Variants in SEMA5A observed in about 807,000 individuals in gnomAD.
SEMA5A encodes semaphorin-5A.
A neutral mutation model predicts 135.5 loss-of-function variants in SEMA5A; 55 were observed. The observed-to-expected ratio is 0.41, with a 90% CI of 0.33 to 0.51. SEMA5A has a LOEUF of 0.51. Ranked by LOEUF, SEMA5A falls within the 20% of genes least tolerant of loss-of-function variation. The pLI is 0.37. For synonymous variants in SEMA5A, 580 were observed against 546.5 expected (o/e 1.06, Z -0.85); for missense variants, 1,290 against 1,419.9 (o/e 0.91, Z 1.47).
intron 8 of SEMA5A, among the ~76,000 whole-genome samples, chr5:9,210,769 C>T (rs1480978855): frequency 6.6e-6 from 1 of 152,108 alleles, no homozygotes; most frequent in Non-Finnish European, 1.5e-5. Context: ...AAGGATAATG[C>T]AATCTCCCTT....
rs1285127520 is a variant in SEMA5A at position 9,154,598 on chromosome 5, C to T, written c.1371G>A (p.Glu457=). The stretch of plus-strand genomic sequence containing the variant: ...GCAGGATCTGCAGGCTCCTGATGGG[C>T]TCCCTCCGCCTCTCAGGGAAGAGCT... ...EIELFPERRR[E]PIRSLQILHS... The change falls in exon 12 of 23, where the codon GAG becomes GAA. Residue 457 remains glutamate, a synonymous_variant. Coordinates refer to ENST00000382496, the MANE Select transcript of SEMA5A (RefSeq NM_003966.3). The T allele has an allele frequency of 6.2e-7, 1 of 1,614,008 alleles. No individual in the cohort carries two copies. Among genetic ancestry groups the T allele is most frequent in the Non-Finnish European group, 8.5e-7 (1 of 1,180,026 alleles).
chr5:9,097,194 T>A (rs1158287382), intron 16 of SEMA5A, among the ~76,000 whole-genome samples: 1 of 152,292 alleles, frequency 6.6e-6, no homozygotes, highest in South Asian at 2.1e-4. Flanking sequence ...TCACAAGTAG[T>A]AATACTGCCC....
chr5:9,449,629 T>C (rs1342828791), intron 1 of SEMA5A, among the ~76,000 whole-genome samples: 2 of 152,064 alleles, frequency 1.3e-5, no homozygotes, highest in African/African-American at 4.8e-5. Context: ...CTCATTTTTA[T>C]CTCAGAATGT....
chr5:9,489,253 CATATAT>C (rs5865837), intron 1 of SEMA5A, among the ~76,000 whole-genome samples: 1 of 151,514 alleles, frequency 6.6e-6, no homozygotes, highest in African/African-American at 2.4e-5. Flanking sequence ...CAAATGTTAG[CATATAT>C]ATATATATAT....
At chr5:9,281,210 A>C (rs1158108402) in intron 5 of SEMA5A, among the ~76,000 whole-genome samples, 1 of 152,236 alleles carries the variant, frequency 6.6e-6, no homozygotes, top group African/African-American at 2.4e-5. Flanking sequence ...TATAGGAATA[A>C]AATTTCCATT....
At chr5:9,118,362 G>A (rs1425625609) in intron 15 of SEMA5A, among the ~76,000 whole-genome samples, 1 of 152,116 alleles carries the variant, frequency 6.6e-6, no homozygotes, top group Non-Finnish European at 1.5e-5. Context: ...CAATGATTAC[G>A]ATTGCAGAGG....
chr5:9,123,258 C>G (rs79751354), intron 13 of SEMA5A, among the ~76,000 whole-genome samples: 1 of 38,926 alleles, frequency 2.6e-5, no homozygotes, highest in Non-Finnish European at 6.3e-5. Context: ...GACTCCGCCT[C>G]AAAAAAAAAA....
At chr5:9,201,419 A>G (rs1022692975) in intron 9 of SEMA5A, among the ~76,000 whole-genome samples, 3 of 152,228 alleles carry the variant, frequency 2.0e-5, no homozygotes, top group African/African-American at 7.2e-5. Context: ...AAATATTTCA[A>G]AAGTATAATT....
At chr5:9,228,020 T>C (rs915613373) in intron 6 of SEMA5A, among the ~76,000 whole-genome samples, 2 of 152,188 alleles carry the variant, frequency 1.3e-5, no homozygotes, top group African/African-American at 4.8e-5. Context: ...ATAGCAGTGA[T>C]GGACATGTGA....
intron 6 of SEMA5A, among the ~76,000 whole-genome samples, chr5:9,230,172 T>C (rs1347819957): frequency 6.8e-6 from 1 of 146,224 alleles, no homozygotes; most frequent in Non-Finnish European, 1.5e-5. Context: ...TTTTTTTTTT[T>C]TTTTTTTTGT....
At chr5:9,328,339 T>C (rs1001529245) in intron 4 of SEMA5A, among the ~76,000 whole-genome samples, 2 of 152,210 alleles carry the variant, frequency 1.3e-5, no homozygotes, top group African/African-American at 4.8e-5. Flanking sequence ...GCCTAGTGCA[T>C]CCTGCACACA....
At position 9,536,579 on chromosome 5, in the gene SEMA5A, C is replaced by T. The variant is rs1478524691; in HGVS notation, c.-175+9005G>A. On this transcript the variant is annotated intron_variant, in intron 1 of 22. Coordinates refer to ENST00000382496, the MANE Select transcript of SEMA5A (RefSeq NM_003966.3). ...AGTGAGCCGAGATCGCACCACTGCA[C>T]TCCAGCCTGGAGAACAGAACAAGAC... Among the ~76,000 whole-genome samples, 3 of 151,102 alleles carry T rather than the reference C, an allele frequency of 2.0e-5. No homozygotes were observed. The East Asian group carries it at 5.8e-4, about 29-fold the overall frequency.
rs1309606163 is a variant in SEMA5A, at chr5:9,545,608, G to C, written c.-199C>G. On this transcript the variant is annotated 5_prime_UTR_variant, in exon 1 of 23. Coordinates refer to ENST00000382496, the MANE Select transcript of SEMA5A (RefSeq NM_003966.3). This position sits in a 1 kb window ranked among gnomAD's most constrained non-coding sequence, Gnocchi z 4.5. ...CCAGGTGCGAGGAGCGCTGGTGCCA[G>C]TCATCCAGCGCCTGGGGGCCAGAGC... 6.6e-6 allele frequency: 1 copy of C among 152,276 alleles called. No homozygotes were observed. The highest frequency in any genetic ancestry group is 6.5e-5 in the Admixed American group (1 of 15,292). The allele number at this position is 152,276 out of a possible 1,614,324, so 9.4% of individuals were successfully genotyped here.
At chr5:9,472,558 T>C (rs2126757732) in intron 1 of SEMA5A, among the ~76,000 whole-genome samples, 2 of 152,286 alleles carry the variant, frequency 1.3e-5, no homozygotes, top group Middle Eastern at 6.8e-3. Context: ...AGAAATTGTC[T>C]AAAATGGCAG....
chr5:9,366,392 C>CTT, intron 3 of SEMA5A, among the ~76,000 whole-genome samples: 1 of 142,072 alleles, frequency 7.0e-6, no homozygotes, highest in East Asian at 2.1e-4. Flanking sequence ...ATAAAGAATT[C>CTT]TTTTTTTTTT....
intron 4 of SEMA5A, among the ~76,000 whole-genome samples, chr5:9,321,657 T>C (rs1163713606): frequency 6.6e-6 from 1 of 152,236 alleles, no homozygotes; most frequent in Non-Finnish European, 1.5e-5. Context: ...CATCAATTAA[T>C]GGTGCCAACT....
At position 9,088,637 on chromosome 5, in the gene SEMA5A, A is replaced by AATATATATATATAT. The variant is rs71611400; in HGVS notation, c.2073+19489_2073+19502dup. Among the ~76,000 whole-genome samples the AATATATATATATAT allele has an allele frequency of 5.5e-4, 59 of 108,048 alleles. 1 individual carries two copies. The highest frequency in any genetic ancestry group is 1.3e-3 in the African/African-American group (30 of 23,606). The allele number at this position is 108,048 out of a possible 152,430, so 70.9% of individuals were successfully genotyped here. On this transcript the variant is annotated intron_variant, in intron 16 of 22. Coordinates refer to ENST00000382496, the MANE Select transcript of SEMA5A (RefSeq NM_003966.3). ...GCAGCAGCAGGAAGCCTACATTTAT[A>AATATATATATATAT]ATATATATATATATATATATATACA...
chr5:9,227,542 T>C (rs981326855), intron 6 of SEMA5A, among the ~76,000 whole-genome samples: 1 of 137,752 alleles, frequency 7.3e-6, no homozygotes, highest in African/African-American at 2.7e-5. Flanking sequence ...AAAGCAAGTA[T>C]CTATATGAAT....
At position 9,370,744 on chromosome 5, in the gene SEMA5A, G is replaced by A. The variant is rs536681887; in HGVS notation, c.124+9079C>T. 3.3e-5 allele frequency among the ~76,000 whole-genome samples: 5 copies of A among 152,118 alleles called. No homozygotes were observed. In the South Asian group the frequency reaches 1.0e-3, roughly 32 times the overall value. On this transcript the variant is annotated intron_variant, in intron 3 of 22. Coordinates refer to ENST00000382496, the MANE Select transcript of SEMA5A (RefSeq NM_003966.3). Reference sequence around the variant, plus strand: ...TCACCACTGCTATCCACTGGAGATGGCATAAGCTTTGTCTCCCAAATGTAA... The same window carrying A: ...TCACCACTGCTATCCACTGGAGATGACATAAGCTTTGTCTCCCAAATGTAA...
Sources: allele counts gnomAD v4.1 joint callset (sites outside exome capture counted in the v4.1 genomes callset), GRCh38; gene constraint gnomAD v4.1.1; non-coding constraint Gnocchi (gnomAD v3.1); transcripts MANE v1.5; gene names NCBI Gene and HGNC (gene_info 2026-07-23, HGNC 2026-07-21).